IRF9: variants seen among roughly 807,000 people sequenced by gnomAD.
The protein encoded by IRF9 is interferon regulatory factor 9.
In IRF9, 13 loss-of-function variants were observed where a neutral mutation model predicts 44.1. That is an observed-to-expected ratio of 0.29 (90% CI 0.19 to 0.47). IRF9 has a LOEUF of 0.47. Ranked by LOEUF, IRF9 falls within the 20% of genes least tolerant of loss-of-function variation. The pLI is 1.00. For missense variants in IRF9, 373 were observed against 496.1 expected (o/e 0.75, Z 2.36); for synonymous variants, 189 against 188.5 (o/e 1.00, Z -0.02).
rs2038524308 is a variant in IRF9, at chr14:24,166,458, G to C, written c.*262G>C. ...GGAAATTCCAAATGGTGTGAACCCAGGGGGCCTTTCCCTCTTCCCTGACCT... is the reference window on the plus strand; with the variant it reads ...GGAAATTCCAAATGGTGTGAACCCACGGGGCCTTTCCCTCTTCCCTGACCT... On this transcript the variant is annotated 3_prime_UTR_variant, in exon 9 of 9. Coordinates refer to ENST00000396864, the MANE Select transcript of IRF9 (RefSeq NM_006084.5). 1 of 528,510 alleles carries C rather than the reference G, an allele frequency of 1.9e-6. No homozygotes were observed. Among genetic ancestry groups the C allele is most frequent in the Admixed American group, 3.5e-5 (1 of 28,526 alleles). 32.7% of individuals were successfully genotyped at this position (528,510 alleles called of 1,614,324 possible).
chr14:24,163,928 C>T lies in IRF9; in HGVS notation c.546C>T (p.Ser182=). 1 of 1,605,050 alleles carries T rather than the reference C, an allele frequency of 6.2e-7. No individual in the cohort carries two copies. The highest frequency in any genetic ancestry group is 8.5e-7 in the Non-Finnish European group (1 of 1,177,292). The part of the protein sequence containing the change: ...GGAVHSDIGS[S]SSSSSPEPQE... ...CAGTCCATTCAGACATTGGGAGCAGCAGCAGCAGCAGCAGCCCTGAGCCAC... is the reference window on the plus strand; with the variant it reads ...CAGTCCATTCAGACATTGGGAGCAGTAGCAGCAGCAGCAGCCCTGAGCCAC... The change falls in exon 5 of 9, where the codon AGC becomes AGT. Residue 182 remains serine (S), a synonymous_variant. Transcript: ENST00000396864.
At position 24,164,986 on chromosome 14, in the gene IRF9, T is replaced by C. The variant is rs544467176; in HGVS notation, c.991+31T>C. On this transcript the variant is annotated intron_variant, in intron 7 of 8. Transcript: ENST00000396864. The surrounding 1 kb of genome is among the most constrained non-coding windows in gnomAD (Gnocchi z 5.2). ...GCTGTTCTCTCTGGGCACATGAGCT[T>C]CCACCCCCTACCTCTTAGTACCCCC... 38 of 1,602,462 alleles carry C rather than the reference T, an allele frequency of 2.4e-5. 1 individual carries two copies. The East Asian group carries it at 8.0e-4, about 34-fold the overall frequency.
At chr14:24,165,615 C>T (rs1189652141) in intron 7 of IRF9, 9 of 561,806 alleles carry the variant, frequency 1.6e-5, no homozygotes, top group South Asian at 2.2e-5. Context: ...GAGAGCTTGT[C>T]GGGCTGTGCT....
At position 24,162,210 on chromosome 14, in the gene IRF9, T is replaced by C. The variant is rs1451498527; in HGVS notation, c.66T>C (p.Ser22=). 5.0e-6 allele frequency: 8 copies of C among 1,613,824 alleles called. No homozygotes were observed. Among genetic ancestry groups the C allele is most frequent in the Non-Finnish European group, 5.9e-6 (7 of 1,179,980 alleles). The change falls in exon 2 of 9, where the codon AGT becomes AGC. Residue 22 remains serine (S), a synonymous_variant. Coordinates refer to ENST00000396864, the MANE Select transcript of IRF9 (RefSeq NM_006084.5). ...LRNWVVEQVE[S]GQFPGVCWDD... is the part of the protein sequence containing the mutation. ...ACTGGGTGGTGGAGCAAGTGGAGAG[T>C]GGGCAGTTTCCCGGAGTGTGCTGGG...
At chr14:24,161,579 C>T (rs2038456837) in intron 1 of IRF9, among the ~76,000 whole-genome samples, 1 of 152,214 alleles carries the variant, frequency 6.6e-6, no homozygotes. Context: ...AGGCTCCTGG[C>T]CCCAGCCTCA....
chr14:24,166,315 A>G lies in IRF9; in HGVS notation c.*119A>G. ...TGATAATTCTCAGTAGTTGTCCGTG[A>G]TAATCGTGTCCTGAAAATCCTCGCA... On this transcript the variant is annotated 3_prime_UTR_variant, in exon 9 of 9. Coordinates refer to ENST00000396864, the MANE Select transcript of IRF9 (RefSeq NM_006084.5). The G allele has an allele frequency of 1.1e-6, 1 of 900,376 alleles. No individual in the cohort carries two copies. The highest frequency in any genetic ancestry group is 2.6e-5 in the East Asian group (1 of 37,940). The allele number at this position is 900,376 out of a possible 1,614,324, so 55.8% of individuals were successfully genotyped here. A position where few individuals can be genotyped will look rare whatever the true frequency, so the allele number is the denominator to read the frequency against.
rs2038516433 is a variant in IRF9, at chr14:24,165,936, A to G, written c.1081A>G (p.Thr361Ala). 6.2e-7 allele frequency: 1 copy of G among 1,613,976 alleles called. No individual in the cohort carries two copies. Among genetic ancestry groups the G allele is most frequent in the Non-Finnish European group, 8.5e-7 (1 of 1,179,960 alleles). The change falls in exon 8 of 9, where the codon ACT (threonine) becomes GCT (alanine). Residue 361 changes from threonine to alanine, a missense_variant. By Grantham distance (58) the Thr-to-Ala change is moderately conservative. This residue lies in a region of IRF9 where 146 missense variants were observed against 240.8 expected (regional missense o/e 0.61). Transcript: ENST00000396864. ...FWEESHGSSH[T>A]PQNLITVKME... ...GGAAGAGAGCCATGGCTCCAGCCATACTCCACAGAATCTTATCACAGTGAA... is the reference window on the plus strand; with the variant it reads ...GGAAGAGAGCCATGGCTCCAGCCATGCTCCACAGAATCTTATCACAGTGAA...
chr14:24,163,423 C>G lies in IRF9; in HGVS notation c.410C>G (p.Ser137Cys). 6.2e-7 allele frequency: 1 copy of G among 1,614,198 alleles called. No individual in the cohort carries two copies. Among genetic ancestry groups the G allele is most frequent in the South Asian group, 1.1e-5 (1 of 91,086 alleles). Residue 137 changes from serine to cysteine, a missense_variant, in exon 4 of 9, where the codon TCT becomes TGT. Ser to Cys is a moderately radical substitution (Grantham distance 112). Around this residue, in one of 2 missense-constraint regions of IRF9, gnomAD observed 227 missense variants for 255.3 expected, o/e 0.89. Coordinates refer to ENST00000396864, the MANE Select transcript of IRF9 (RefSeq NM_006084.5). ...QKVPSKRQHS[S>C]VSSERKEEED... Reference sequence around the variant, plus strand: ...GTACCATCAAAGCGACAGCACAGTTCTGTGTCCTCTGAGAGGAAGGAGGAA... The same window carrying G: ...GTACCATCAAAGCGACAGCACAGTTGTGTGTCCTCTGAGAGGAAGGAGGAA...
intron 3 of IRF9, 83 bp downstream of exon 3, chr14:24,163,232 A>T: frequency 6.4e-7 from 1 of 1,563,412 alleles, no homozygotes; most frequent in East Asian, 2.2e-5. Context: ...CCAGGCTTAT[A>T]GCTCTGCCCT....
intron 3 of IRF9, 28 bp from the exon 4 acceptor site, chr14:24,163,350 C>G: frequency 6.2e-7 from 1 of 1,608,474 alleles, no homozygotes; most frequent in Middle Eastern, 1.7e-4. Flanking sequence ...AGACCCTGAC[C>G]TTTCTCTGTC....
rs1284111993 is a variant in IRF9 at position 24,166,153 on chromosome 14, A to C, written c.1139A>C (p.Glu380Ala). The C allele has an allele frequency of 1.2e-6, 2 of 1,613,958 alleles. No homozygotes were observed. The highest frequency in any genetic ancestry group is 2.7e-5 in the African/African-American group (2 of 74,924). Residue 380 changes from glutamate to alanine, a missense_variant, in exon 9 of 9, where the codon GAG becomes GCG. Around this residue, in one of 2 missense-constraint regions of IRF9, gnomAD observed 146 missense variants for 240.8 expected, o/e 0.61. Transcript: ENST00000396864. ...MEQAFARYLLEQTPEQQAAIL... is the reference protein window; with the variant it reads ...MEQAFARYLLAQTPEQQAAIL... ...CAGGCCTTTGCCCGATACTTGCTGG[A>C]GCAGACTCCAGAGCAGCAGGCAGCC...
At chr14:24,165,614 T>A (rs2038512839) in intron 7 of IRF9, 2 of 561,936 alleles carry the variant, frequency 3.6e-6, no homozygotes, top group Middle Eastern at 4.7e-4. Flanking sequence ...AGAGAGCTTG[T>A]CGGGCTGTGC....
Position 24,165,030 on chromosome 14 carries a change from T to A in IRF9, c.991+75T>A, listed in dbSNP as rs560192281. 22 of 1,276,690 alleles carry A rather than the reference T, an allele frequency of 1.7e-5. No individual in the cohort carries two copies. In the South Asian group the frequency reaches 2.5e-4, roughly 15 times the overall value. The allele number at this position is 1,276,690 out of a possible 1,614,324, so 79.1% of individuals were successfully genotyped here. A position where few individuals can be genotyped will look rare whatever the true frequency, so the allele number is the denominator to read the frequency against. ...TACCCCCTGGGCCCAACTTGTTGGG[T>A]CCTGCTACCTCCCTATCTGCCAGCA... is the stretch of plus-strand genomic sequence containing the variant. On this transcript the variant is annotated intron_variant, in intron 7 of 8. Coordinates refer to ENST00000396864, the MANE Select transcript of IRF9 (RefSeq NM_006084.5).
intron 8 of IRF9, 69 bp from the exon 9 acceptor site, chr14:24,166,053 A>AGC: frequency 6.3e-7 from 1 of 1,577,538 alleles, no homozygotes; most frequent in Admixed American, 1.7e-5. Flanking sequence ...GTGGGGAAGG[A>AGC]GCTCCTGGGG....
intron 7 of IRF9, chr14:24,165,631 C>G: frequency 1.7e-6 from 1 of 576,576 alleles, no homozygotes; most frequent in South Asian, 2.1e-5. Flanking sequence ...GTGCTGTGAT[C>G]TGCTACTTCT....
chr14:24,163,324 C>T, intron 3 of IRF9, 54 bp from the exon 4 acceptor site: 2 of 1,592,834 alleles, frequency 1.3e-6, no homozygotes, highest in Admixed American at 1.7e-5. Context: ...TCTCCTTCAC[C>T]CTCTGTCCTT....
Position 24,166,312 on chromosome 14 carries a change from G to A in IRF9, c.*116G>A, listed in dbSNP as rs569212275. ...TTGTGATAATTCTCAGTAGTTGTCC[G>A]TGATAATCGTGTCCTGAAAATCCTC... On this transcript the variant is annotated 3_prime_UTR_variant, in exon 9 of 9. Transcript: ENST00000396864. The A allele has an allele frequency of 7.5e-4, 675 of 899,730 alleles. No individual in the cohort carries two copies. The highest frequency in any genetic ancestry group is 9.6e-4 in the Non-Finnish European group (541 of 564,338). The allele number at this position is 899,730 out of a possible 1,614,324, so 55.7% of individuals were successfully genotyped here. A position where few individuals can be genotyped will look rare whatever the true frequency, so the allele number is the denominator to read the frequency against.
At chr14:24,165,991 A>C in intron 8 of IRF9, 29 bp downstream of exon 8, 2 of 1,597,058 alleles carry the variant, frequency 1.3e-6, no homozygotes, top group Non-Finnish European at 1.7e-6. Flanking sequence ...TAGAGTACCC[A>C]TCTAATGAGA....
chr14:24,165,774 T>A, intron 7 of IRF9, 73 bp from the exon 8 acceptor site: 1 of 1,018,948 alleles, frequency 9.8e-7, no homozygotes, highest in Non-Finnish European at 1.5e-6. Context: ...CATGGGTTCC[T>A]CACTATTGCC....
Sources: allele counts gnomAD v4.1 joint callset (sites outside exome capture counted in the v4.1 genomes callset), GRCh38; gene constraint gnomAD v4.1.1; regional missense constraint gnomAD v4.1.1; non-coding constraint Gnocchi (gnomAD v3.1); transcripts MANE v1.5; gene names NCBI Gene and HGNC (gene_info 2026-07-23, HGNC 2026-07-21).